TGS1: variants seen among roughly 807,000 people sequenced by gnomAD.
The protein encoded by TGS1 is trimethylguanosine synthase.
Under a neutral mutation model 92.2 loss-of-function variants are expected in TGS1, and 69 were observed. The ratio of observed to expected loss-of-function variants is 0.75; its 90% CI spans 0.62 to 0.91. TGS1 has a LOEUF of 0.91. Ranked by LOEUF, TGS1 falls within the 40% of genes least tolerant of loss-of-function variation. The probability of loss-of-function intolerance (pLI) is 0.00; values close to 1 mark genes in which losing one functional copy is unlikely to be tolerated. For missense variants in TGS1, 1,062 were observed against 1,001.2 expected (o/e 1.06, Z -0.82); for synonymous variants, 345 against 338.1 (o/e 1.02, Z -0.22).
At chr8:55,799,341 T>C in intron 8 of TGS1, 121 bp downstream of exon 8, 1 of 956,744 alleles carries the variant, frequency 1.0e-6, no homozygotes, top group Non-Finnish European at 1.5e-6. Context: ...CTACTTATTT[T>C]TAAGTGAGAG....
intron 12 of TGS1, among the ~76,000 whole-genome samples, chr8:55,818,435 C>G (rs1803543630): frequency 6.6e-6 from 1 of 152,178 alleles, no homozygotes; most frequent in South Asian, 2.1e-4. Context: ...TGTCAGCCAC[C>G]ACGCCCAGCC....
At position 55,773,696 on chromosome 8, in the gene TGS1, C is replaced by A. The variant is rs912534486; in HGVS notation, c.78C>A (p.Cys26Ter). Residue 26 changes from cysteine to a stop codon, truncating the protein, a stop_gained, in exon 1 of 13, where the codon TGC (cysteine) becomes TGA (stop). Transcript: ENST00000260129. LOFTEE classifies it high-confidence loss of function. The part of the protein sequence containing the change: ...IEEREDCKIL[C>*]LCSRAFVEDR... ...AGCGGGAGGATTGTAAGATACTGTG[C>A]CTTTGCTCCAGGGCATTTGTGGAGT... 2 of 1,610,484 alleles carry A rather than the reference C, an allele frequency of 1.2e-6. No individual in the cohort carries two copies. The highest frequency in any genetic ancestry group is 1.3e-5 in the African/African-American group (1 of 74,788).
At chr8:55,808,143 A>G (rs548022210) in intron 10 of TGS1, among the ~76,000 whole-genome samples, 1 of 152,280 alleles carries the variant, frequency 6.6e-6, no homozygotes, top group African/African-American at 2.4e-5. Flanking sequence ...GCCCGTTTTA[A>G]TACTCCTATG....
intron 2 of TGS1, among the ~76,000 whole-genome samples, chr8:55,784,303 A>G (rs963907167): frequency 3.9e-5 from 6 of 152,172 alleles, no homozygotes; most frequent in Admixed American, 2.6e-4. Context: ...GTTTTTCTAT[A>G]AGAATTAGAT....
At position 55,799,139 on chromosome 8, in the gene TGS1, G is replaced by A; in HGVS notation, c.1768G>A (p.Asp590Asn). Residue 590 changes from aspartate (D) to asparagine (N), a missense_variant, in exon 8 of 13, where the codon GAC becomes AAC. Asp to Asn is a conservative substitution (Grantham distance 23). Transcript: ENST00000260129. The part of the protein sequence containing the change: ...GELETENYER[D>N]SLLATVPDEQ... ...ACTTGAAACAGAAAACTATGAAAGA[G>A]ACAGCTTGCTAGCAACTGTTCCAGA... 6.2e-7 allele frequency: 1 copy of A among 1,614,124 alleles called. No homozygotes were observed. Among genetic ancestry groups the A allele is most frequent in the Non-Finnish European group, 8.5e-7 (1 of 1,180,016 alleles).
intron 1 of TGS1, among the ~76,000 whole-genome samples, chr8:55,777,799 T>C (rs533065398): frequency 6.6e-6 from 1 of 152,320 alleles, no homozygotes; most frequent in African/African-American, 2.4e-5. Context: ...CCTCCCAAAG[T>C]GCTGGGATTA....
intron 10 of TGS1, among the ~76,000 whole-genome samples, chr8:55,807,467 A>C (rs866371427): frequency 3.3e-5 from 5 of 151,262 alleles, no homozygotes; most frequent in Admixed American, 1.3e-4. Context: ...GAAGTTGAAC[A>C]TTCTGCCCAA....
intron 5 of TGS1, among the ~76,000 whole-genome samples, chr8:55,790,615 C>T (rs1811852093): frequency 6.6e-6 from 1 of 152,058 alleles, no homozygotes; most frequent in Admixed American, 6.6e-5. Context: ...AACTTGAACT[C>T]CTCAGCTCAA....
chr8:55,795,910 C>T, intron 6 of TGS1, 68 bp from the exon 7 acceptor site: 1 of 1,199,010 alleles, frequency 8.3e-7, no homozygotes, highest in African/African-American at 1.6e-5. Context: ...TAGTTTCATC[C>T]TCTTTTCCTA....
At chr8:55,822,763 A>G (rs1803685781) in intron 12 of TGS1, among the ~76,000 whole-genome samples, 1 of 152,142 alleles carries the variant, frequency 6.6e-6, no homozygotes, top group Non-Finnish European at 1.5e-5. Context: ...TTATTTTCAC[A>G]TAATAAGGTA....
intron 1 of TGS1, among the ~76,000 whole-genome samples, chr8:55,782,146 C>CTTAA (rs1221612284): frequency 2.0e-3 from 295 of 150,846 alleles, no homozygotes; most frequent in African/African-American, 6.3e-3. Flanking sequence ...AGAACTTACA[C>CTTAA]TTTATTTATT....
chr8:55,826,141 C>T lies in TGS1; in HGVS notation c.*1438C>T, dbSNP rs1197723601. On this transcript the variant is annotated 3_prime_UTR_variant, in exon 13 of 13. Transcript: ENST00000260129. ...CTGGGATTACAGGCGTGAGCCACCGCGCCTGGCTTTATGTAGCATTCTTAA... is the reference window on the plus strand; with the variant it reads ...CTGGGATTACAGGCGTGAGCCACCGTGCCTGGCTTTATGTAGCATTCTTAA... Among the ~76,000 whole-genome samples, 3 of 152,086 alleles carry T rather than the reference C, an allele frequency of 2.0e-5. No individual in the cohort carries two copies. Among genetic ancestry groups the T allele is most frequent in the Non-Finnish European group, 2.9e-5 (2 of 68,022 alleles).
At chr8:55,799,263 A>C in intron 8 of TGS1, 43 bp downstream of exon 8, 3 of 1,527,992 alleles carry the variant, frequency 2.0e-6, no homozygotes, top group Non-Finnish European at 2.6e-6. Flanking sequence ...ATTTAGATAA[A>C]ATTTTTTTTG....
At chr8:55,814,055 C>T (rs969036262) in intron 12 of TGS1, among the ~76,000 whole-genome samples, 30 of 152,154 alleles carry the variant, frequency 2.0e-4, no homozygotes, top group African/African-American at 3.6e-4. Flanking sequence ...TCAAGCAGTC[C>T]TCCCACCTCA....
intron 1 of TGS1, among the ~76,000 whole-genome samples, chr8:55,779,914 G>A (rs546308336): frequency 3.5e-5 from 5 of 143,454 alleles, no homozygotes; most frequent in Non-Finnish European, 6.0e-5. Context: ...TTGCTCTGTC[G>A]CCCAGGCTGG....
At chr8:55,791,526 T>C (rs1811886095) in intron 5 of TGS1, among the ~76,000 whole-genome samples, 1 of 152,206 alleles carries the variant, frequency 6.6e-6, no homozygotes, top group Non-Finnish European at 1.5e-5. Flanking sequence ...ATTCCTGAAT[T>C]TGTAGCCTTC....
At chr8:55,793,350 G>C (rs1811935926) in intron 6 of TGS1, among the ~76,000 whole-genome samples, 2 of 152,178 alleles carry the variant, frequency 1.3e-5, no homozygotes, top group East Asian at 3.9e-4. Context: ...AAATTAGCTG[G>C]GTTTAGTGGT....
Position 55,826,279 on chromosome 8 carries a change from TCTTA to T in TGS1, c.*1580_*1583del, listed in dbSNP as rs1456791934. Among the ~76,000 whole-genome samples, 3 of 152,198 alleles carry T rather than the reference TCTTA, an allele frequency of 2.0e-5. No individual in the cohort carries two copies. The highest frequency in any genetic ancestry group is 2.9e-5 in the Non-Finnish European group (2 of 68,046). On this transcript the variant is annotated 3_prime_UTR_variant, in exon 13 of 13. Coordinates refer to ENST00000260129, the MANE Select transcript of TGS1 (RefSeq NM_024831.8). ...ATATACTTCTTTCCACAGCTCATTT[TCTTA>T]CTTGTATATTAATAAAGCTAACTCA...
At position 55,792,772 on chromosome 8, in the gene TGS1, G is replaced by T; in HGVS notation, c.1355G>T (p.Gly452Val). 1 of 1,612,560 alleles carries T rather than the reference G, an allele frequency of 6.2e-7. No individual in the cohort carries two copies. The highest frequency in any genetic ancestry group is 8.5e-7 in the Non-Finnish European group (1 of 1,178,688). Residue 452 changes from glycine (G) to valine (V), a missense_variant, in exon 6 of 13, where the codon GGC becomes GTC. Coordinates refer to ENST00000260129, the MANE Select transcript of TGS1 (RefSeq NM_024831.8). ...GGTTCCCTTCTAGGATTCAAGTATGGCTCAGGACAAAAGTAATTATTCATA... is the reference window on the plus strand; with the variant it reads ...GGTTCCCTTCTAGGATTCAAGTATGTCTCAGGACAAAAGTAATTATTCATA... ...DSGSLLGFKY[G>V]SGQKYGGIPN...
Sources: gnomAD v4.1 joint callset for allele counts (sites outside exome capture counted in the v4.1 genomes callset) on GRCh38, gnomAD v4.1.1 for gene constraint, MANE v1.5 for transcripts, NCBI Gene and HGNC (gene_info 2026-07-23, HGNC 2026-07-21) for gene names.